STK32B: variants seen among roughly 807,000 people sequenced by gnomAD.
STK32B encodes the protein serine/threonine-protein kinase 32B.
A neutral mutation model predicts 52.6 loss-of-function variants in STK32B; 43 were observed. The ratio of observed to expected loss-of-function variants is 0.82; its 90% CI spans 0.64 to 1.05. The LOEUF is 1.05. Among genes scored for constraint, STK32B ranks in the 50% least tolerant of loss-of-function variants. The pLI, the probability that STK32B is intolerant of heterozygous loss-of-function variation, is 0.00. For missense variants in STK32B, 621 were observed against 534.6 expected (o/e 1.16, Z -1.59); for synonymous variants, 238 against 204.3 (o/e 1.17, Z -1.41).
At chr4:5,309,948 C>G (rs943717887) in intron 3 of STK32B, among the ~76,000 whole-genome samples, 1 of 152,050 alleles carries the variant, frequency 6.6e-6, no homozygotes, top group African/African-American at 2.4e-5. Flanking sequence ...AGTGGATCAC[C>G]TGAGGTCAGG....
chr4:5,411,525 G>A (rs951245196), intron 5 of STK32B, among the ~76,000 whole-genome samples: 1 of 152,204 alleles, frequency 6.6e-6, no homozygotes, highest in Middle Eastern at 3.4e-3. Flanking sequence ...ATTGTATTAG[G>A]CATTATAATT....
intron 3 of STK32B, among the ~76,000 whole-genome samples, chr4:5,312,647 T>C (rs1191880894): frequency 1.3e-5 from 2 of 152,112 alleles, no homozygotes; most frequent in East Asian, 3.9e-4. Flanking sequence ...TAGTATTCCA[T>C]GGTGTATATG....
intron 3 of STK32B, among the ~76,000 whole-genome samples, chr4:5,195,348 C>T (rs1227351564): frequency 1.3e-5 from 2 of 152,130 alleles, no homozygotes; most frequent in Non-Finnish European, 2.9e-5. Flanking sequence ...CCCCTTCCTC[C>T]TCCTTAGGCC....
At chr4:5,241,786 C>A (rs1344120420) in intron 3 of STK32B, among the ~76,000 whole-genome samples, 1 of 152,040 alleles carries the variant, frequency 6.6e-6, no homozygotes, top group Non-Finnish European at 1.5e-5. Flanking sequence ...TCCATGTGTT[C>A]TCATTGTTCA....
chr4:5,251,709 A>T (rs1202743046), intron 3 of STK32B, among the ~76,000 whole-genome samples: 3 of 152,208 alleles, frequency 2.0e-5, no homozygotes, highest in Non-Finnish European at 4.4e-5. Flanking sequence ...ATCCATGAGC[A>T]TGGAATATTT....
intron 3 of STK32B, among the ~76,000 whole-genome samples, chr4:5,200,757 T>C (rs1036904235): frequency 6.6e-5 from 10 of 152,180 alleles, no homozygotes; most frequent in African/African-American, 2.4e-4. Flanking sequence ...CCACTGAATG[T>C]ACTCACCCAA....
At chr4:5,181,446 G>T (rs960250681) in intron 3 of STK32B, among the ~76,000 whole-genome samples, 1 of 151,978 alleles carries the variant, frequency 6.6e-6, no homozygotes, top group Non-Finnish European at 1.5e-5. Context: ...TTAGAACTGT[G>T]AGAAATAAAT....
At chr4:5,337,509 G>C (rs142776877) in intron 4 of STK32B, among the ~76,000 whole-genome samples, 2 of 152,150 alleles carry the variant, frequency 1.3e-5, no homozygotes, top group Non-Finnish European at 2.9e-5. Flanking sequence ...GCAGATAGGC[G>C]TAGGAAAACT....
intron 1 of STK32B, among the ~76,000 whole-genome samples, chr4:5,084,624 G>A (rs1215461309): frequency 3.3e-5 from 5 of 152,060 alleles, no homozygotes; most frequent in African/African-American, 1.2e-4. Flanking sequence ...TTTTTATTTT[G>A]TATTTCTTTA....
intron 2 of STK32B, among the ~76,000 whole-genome samples, chr4:5,149,574 T>C (rs1577108224): frequency 1.3e-5 from 2 of 152,016 alleles, no homozygotes; most frequent in Non-Finnish European, 2.9e-5. Flanking sequence ...AGGGTTGATA[T>C]TTTACACTTT....
At chr4:5,361,164 G>A (rs1734523095) in intron 4 of STK32B, among the ~76,000 whole-genome samples, 1 of 152,208 alleles carries the variant, frequency 6.6e-6, no homozygotes. Context: ...TATGCAGCAT[G>A]TAGAATGATA....
At chr4:5,328,315 C>G (rs1732008476) in intron 3 of STK32B, among the ~76,000 whole-genome samples, 1 of 152,220 alleles carries the variant, frequency 6.6e-6, no homozygotes, top group South Asian at 2.1e-4. Flanking sequence ...AAGAGTCTAG[C>G]TTTCAGCCTA....
chr4:5,242,389 C>T (rs1725100423), intron 3 of STK32B, among the ~76,000 whole-genome samples: 2 of 152,188 alleles, frequency 1.3e-5, no homozygotes, highest in African/African-American at 4.8e-5. Context: ...TGAGAAGTGT[C>T]TGTTCATATC....
chr4:5,054,422 G>T (rs1489292281), intron 1 of STK32B, among the ~76,000 whole-genome samples: 1 of 151,656 alleles, frequency 6.6e-6, no homozygotes, highest in East Asian at 1.9e-4. Context: ...TACCTGGGGG[G>T]AAGAAGTGGG....
intron 3 of STK32B, among the ~76,000 whole-genome samples, chr4:5,313,852 A>G (rs1232866830): frequency 1.3e-5 from 2 of 152,226 alleles, no homozygotes; most frequent in Non-Finnish European, 2.9e-5. Context: ...TTCCATAGAT[A>G]ATAAACCTAG....
In STK32B at chr4:5,467,979, T is replaced by C. The variant is rs911861783; in HGVS notation, c.1042-27T>C. ...CGTCCCCGGACCGTGCTTTGTCATT[T>C]AGTCACCCCTCTGTGCTCTTTGACA... On this transcript the variant is annotated intron_variant, in intron 10 of 11. Coordinates refer to ENST00000282908, the MANE Select transcript of STK32B (RefSeq NM_018401.3). The surrounding 1 kb of genome is among the most constrained non-coding windows in gnomAD (Gnocchi z 5.8). The C allele has an allele frequency of 6.2e-7, 1 of 1,613,872 alleles. No individual in the cohort carries two copies.
rs946039786 is a variant in STK32B, at chr4:5,453,139, C to A, written c.667-3668C>A. ...TAAATGTATTTCCTGCACTGGCTTC[C>A]TAGTGCATTGGAGTTATTATTATCA... On this transcript the variant is annotated intron_variant, in intron 7 of 11. Transcript: ENST00000282908. This position sits in a 1 kb window ranked among gnomAD's most constrained non-coding sequence, Gnocchi z 4.0. Among the ~76,000 whole-genome samples the A allele has an allele frequency of 6.6e-6, 1 of 151,940 alleles. No individual in the cohort carries two copies. Among genetic ancestry groups the A allele is most frequent in the East Asian group, 1.9e-4 (1 of 5,164 alleles).
chr4:5,457,030 G>C (rs1221478511), intron 8 of STK32B, 107 bp downstream of exon 8: 2 of 788,524 alleles, frequency 2.5e-6, no homozygotes, highest in Non-Finnish European at 3.9e-6. Context: ...ACTCGGGGTA[G>C]AGATGATCAA....
chr4:5,081,666 C>G (rs1318495472), intron 1 of STK32B, among the ~76,000 whole-genome samples: 4 of 151,950 alleles, frequency 2.6e-5, no homozygotes, highest in Admixed American at 2.6e-4. Context: ...TTAGCTGTTG[C>G]TGTTGTCTGT....
Sources: allele counts gnomAD v4.1 joint callset (sites outside exome capture counted in the v4.1 genomes callset), GRCh38; gene constraint gnomAD v4.1.1; non-coding constraint Gnocchi (gnomAD v3.1); transcripts MANE v1.5; gene names NCBI Gene and HGNC (gene_info 2026-07-23, HGNC 2026-07-21).